Variants in GABBR2 observed in about 807,000 individuals in gnomAD.
The protein encoded by GABBR2 is gamma-aminobutyric acid type B receptor subunit 2.
GABBR2 carries 23 observed loss-of-function variants against 105.6 expected under a neutral mutation model. That is an observed-to-expected ratio of 0.22 (90% CI 0.16 to 0.31). The LOEUF is 0.31. Among genes scored for constraint, GABBR2 ranks in the 10% least tolerant of loss-of-function variants. The probability of loss-of-function intolerance (pLI) is 1.00; values close to 1 mark genes in which losing one functional copy is unlikely to be tolerated. For synonymous variants in GABBR2, 478 were observed against 499.7 expected, an observed-to-expected ratio of 0.96 and a Z score of 0.58; for missense variants, 734 against 1,245.5, an observed-to-expected ratio of 0.59 and a Z score of 6.18.
chr9:98,648,116 T>TGTGTGTGTGTGTATAGATAGATAG lies in GABBR2; in HGVS notation c.321+60300_321+60301insCTATCTATCTATACACACACACAC. Reference sequence around the variant, plus strand: ...GTGTGTGTGTGTGTGTGTGTGTGTGTATAGATAGATAGATAGATAGATAGA... The same window carrying TGTGTGTGTGTGTATAGATAGATAG: ...GTGTGTGTGTGTGTGTGTGTGTGTGTGTGTGTGTGTGTATAGATAGATAGATAGATAGATAGATAGATAGATAGA... On this transcript the variant is annotated intron_variant, in intron 1 of 18. Transcript: ENST00000259455. Among the ~76,000 whole-genome samples the TGTGTGTGTGTGTATAGATAGATAG allele has an allele frequency of 3.8e-3, 214 of 55,922 alleles. 1 individual carries two copies. The highest frequency in any genetic ancestry group is 0.011 in the Middle Eastern group (1 of 88). 36.7% of individuals were successfully genotyped at this position (55,922 alleles called of 152,430 possible).
chr9:98,348,289 T>A (rs145300191), intron 13 of GABBR2, among the ~76,000 whole-genome samples: 1 of 152,228 alleles, frequency 6.6e-6, no homozygotes, highest in Non-Finnish European at 1.5e-5. Context: ...GTTCCGTTGG[T>A]CTATGGTCTG....
At chr9:98,310,600 T>C (rs1830620430) in intron 14 of GABBR2, among the ~76,000 whole-genome samples, 1 of 152,054 alleles carries the variant, frequency 6.6e-6, no homozygotes, top group Admixed American at 6.6e-5. Context: ...GGGTTTGCAG[T>C]TTGGAGGTTA....
chr9:98,327,730 G>A (rs1337618030), intron 13 of GABBR2, among the ~76,000 whole-genome samples: 5 of 151,780 alleles, frequency 3.3e-5, no homozygotes, highest in African/African-American at 1.2e-4. Context: ...TTAGCCAGGC[G>A]TGATGGTGTG....
intron 13 of GABBR2, among the ~76,000 whole-genome samples, chr9:98,355,568 T>C (rs1554694245): frequency 6.6e-6 from 1 of 151,566 alleles, no homozygotes; most frequent in Non-Finnish European, 1.5e-5. Context: ...TGAAAGAAAA[T>C]AAAAAAAGAT....
At chr9:98,329,157 C>T (rs1830978760) in intron 13 of GABBR2, among the ~76,000 whole-genome samples, 1 of 152,196 alleles carries the variant, frequency 6.6e-6, no homozygotes, top group Non-Finnish European at 1.5e-5. Context: ...TTCAAAGATT[C>T]ACCAAGGAAG....
intron 11 of GABBR2, among the ~76,000 whole-genome samples, chr9:98,375,694 G>A (rs1392480003): frequency 6.6e-6 from 1 of 152,118 alleles, no homozygotes; most frequent in Non-Finnish European, 1.5e-5. Flanking sequence ...CTGTCTGACA[G>A]GTAGTGAGCT....
chr9:98,393,892 A>G (rs1232988669), intron 9 of GABBR2, among the ~76,000 whole-genome samples: 1 of 152,244 alleles, frequency 6.6e-6, no homozygotes, highest in African/African-American at 2.4e-5. Context: ...GAGAAGATAG[A>G]CCTAAATTTA....
intron 6 of GABBR2, among the ~76,000 whole-genome samples, chr9:98,462,078 A>C (rs1826434057): frequency 6.6e-6 from 1 of 152,218 alleles, no homozygotes; most frequent in Non-Finnish European, 1.5e-5. Context: ...CAAATCATCA[A>C]GACAGGGTGA....
intron 1 of GABBR2, among the ~76,000 whole-genome samples, chr9:98,593,060 G>C (rs1003074372): frequency 2.6e-5 from 4 of 152,046 alleles, no homozygotes; most frequent in Non-Finnish European, 5.9e-5. Context: ...GCTCACTGCA[G>C]CTTTGACCTC....
At chr9:98,303,498 TC>T in intron 15 of GABBR2, 75 bp from the exon 16 acceptor site, 1 of 1,282,156 alleles carries the variant, frequency 7.8e-7, no homozygotes, top group Non-Finnish European at 1.1e-6. Flanking sequence ...TGGCAGACTC[TC>T]CCAGCAGATC....
At chr9:98,610,410 G>A (rs547112340) in intron 1 of GABBR2, among the ~76,000 whole-genome samples, 2 of 152,318 alleles carry the variant, frequency 1.3e-5, no homozygotes, top group African/African-American at 4.8e-5. Context: ...AAGGCAGCCT[G>A]CAAAAATATG....
chr9:98,471,823 T>C (rs180692277), intron 6 of GABBR2, among the ~76,000 whole-genome samples: 1 of 152,336 alleles, frequency 6.6e-6, no homozygotes, highest in East Asian at 1.9e-4. Flanking sequence ...AATTGCAAAA[T>C]TTGACACCTT....
At chr9:98,676,472 T>G (rs1248530157) in intron 1 of GABBR2, among the ~76,000 whole-genome samples, 1 of 152,238 alleles carries the variant, frequency 6.6e-6, no homozygotes, top group African/African-American at 2.4e-5. Flanking sequence ...GTAACCAGCT[T>G]CCTTTGCAGC....
chr9:98,491,733 T>C, intron 4 of GABBR2, among the ~76,000 whole-genome samples: 1 of 152,224 alleles, frequency 6.6e-6, no homozygotes, highest in East Asian at 1.9e-4. Context: ...GTGAAGGTAA[T>C]TTGGATTTTT....
intron 3 of GABBR2, among the ~76,000 whole-genome samples, chr9:98,521,808 T>A (rs927496011): frequency 6.6e-6 from 1 of 152,100 alleles, no homozygotes; most frequent in East Asian, 1.9e-4. Flanking sequence ...TCACCCATGC[T>A]GTAAGCGAAT....
At chr9:98,298,689 T>C (rs1332486583) in intron 17 of GABBR2, among the ~76,000 whole-genome samples, 1 of 152,190 alleles carries the variant, frequency 6.6e-6, no homozygotes, top group Non-Finnish European at 1.5e-5. Context: ...ATTCCTGGAC[T>C]CAAAGAGATT....
At chr9:98,331,396 CTTTTTTTTTTTTTTTT>C (rs142735341) in intron 13 of GABBR2, among the ~76,000 whole-genome samples, 1 of 76,028 alleles carries the variant, frequency 1.3e-5, no homozygotes, top group South Asian at 4.8e-4. Context: ...AGTCCCTCTT[CTTTTTTTTTTTTTTTT>C]TTTTTTTTTG....
intron 1 of GABBR2, among the ~76,000 whole-genome samples, chr9:98,625,131 C>T (rs1428701033): frequency 6.6e-6 from 1 of 152,236 alleles, no homozygotes; most frequent in Non-Finnish European, 1.5e-5. Context: ...TGTGTCAAGG[C>T]TGCAGCAGAG....
intron 13 of GABBR2, among the ~76,000 whole-genome samples, chr9:98,333,259 C>T (rs1831058717): frequency 6.6e-6 from 1 of 152,176 alleles, no homozygotes; most frequent in African/African-American, 2.4e-5. Flanking sequence ...GTAAAGTGGG[C>T]ACTTCTCCTA....
Sources: gnomAD v4.1 joint callset for allele counts (sites outside exome capture counted in the v4.1 genomes callset) on GRCh38, gnomAD v4.1.1 for gene constraint, MANE v1.5 for transcripts, NCBI Gene and HGNC (gene_info 2026-07-23, HGNC 2026-07-21) for gene names.